VPS35L: variants seen among roughly 807,000 people sequenced by gnomAD.
VPS35L encodes VPS35 endosomal protein-sorting factor-like.
Under a neutral mutation model 133.0 loss-of-function variants are expected in VPS35L, and 83 were observed. That is an observed-to-expected ratio of 0.62 (90% CI 0.52 to 0.75). VPS35L has a LOEUF of 0.75. Ranked by LOEUF, VPS35L falls within the 30% of genes least tolerant of loss-of-function variation. The probability of loss-of-function intolerance (pLI) is 0.00; values close to 1 mark genes in which losing one functional copy is unlikely to be tolerated. For missense variants in VPS35L, 1,083 were observed against 1,206.8 expected (o/e 0.90, Z 1.52); for synonymous variants, 423 against 449.9 (o/e 0.94, Z 0.76).
chr16:19,688,927 C>G (rs1050614197), intron 28 of VPS35L, among the ~76,000 whole-genome samples: 2 of 152,194 alleles, frequency 1.3e-5, no homozygotes, highest in African/African-American at 4.8e-5. Flanking sequence ...TGAAGTGTTC[C>G]CAGTAGGGAC....
chr16:19,604,735 T>G (rs1034755950), intron 9 of VPS35L, among the ~76,000 whole-genome samples: 2 of 152,234 alleles, frequency 1.3e-5, no homozygotes, highest in African/African-American at 2.4e-5. Context: ...GTACTCATTC[T>G]TTCCATTTAA....
At chr16:19,620,273 G>A (rs1973034890) in intron 14 of VPS35L, among the ~76,000 whole-genome samples, 1 of 152,112 alleles carries the variant, frequency 6.6e-6, no homozygotes, top group Non-Finnish European at 1.5e-5. Context: ...ATATGGTTGT[G>A]GTTCTCCAAC....
At chr16:19,648,955 G>GTA (rs1597393862) in intron 24 of VPS35L, among the ~76,000 whole-genome samples, 2 of 150,450 alleles carry the variant, frequency 1.3e-5, no homozygotes, top group South Asian at 4.2e-4. Flanking sequence ...TTTGAAGAAA[G>GTA]TATATATATA....
chr16:19,617,158 C>A, intron 14 of VPS35L: 1 of 542,500 alleles, frequency 1.8e-6, no homozygotes, highest in South Asian at 2.6e-5. Flanking sequence ...GAGTTTGAGA[C>A]GAGCTTTGGC....
intron 9 of VPS35L, 62 bp from the exon 10 acceptor site, chr16:19,608,116 C>T: frequency 1.6e-6 from 2 of 1,248,666 alleles, no homozygotes; most frequent in Non-Finnish European, 2.4e-6. Flanking sequence ...TATTCCCATC[C>T]AGGGACTCAC....
intron 20 of VPS35L, among the ~76,000 whole-genome samples, chr16:19,637,863 AAT>A (rs1973669659): frequency 6.6e-6 from 1 of 152,184 alleles, no homozygotes; most frequent in African/African-American, 2.4e-5. Context: ...CTGAAAGAAA[AAT>A]ATTATTTCTG....
intron 1 of VPS35L, among the ~76,000 whole-genome samples, chr16:19,556,810 G>GT (rs367612131): frequency 0.38 from 54,702 of 142,734 alleles, 12,196 homozygotes; most frequent in Non-Finnish European, 0.52. Context: ...ACACCCTGAG[G>GT]TTTTTTTTTT....
chr16:19,688,803 CAT>C (rs1975559529), intron 28 of VPS35L, among the ~76,000 whole-genome samples: 1 of 152,160 alleles, frequency 6.6e-6, no homozygotes, highest in Admixed American at 6.5e-5. Flanking sequence ...TATGTGAGCT[CAT>C]GTGGGTGTGG....
At chr16:19,663,175 G>C (rs1228160380) in intron 26 of VPS35L, among the ~76,000 whole-genome samples, 1 of 152,078 alleles carries the variant, frequency 6.6e-6, no homozygotes, top group Non-Finnish European at 1.5e-5. Flanking sequence ...GCTGGGCATG[G>C]TGGCTCATGC....
intron 7 of VPS35L, 62 bp downstream of exon 7, chr16:19,581,715 CTT>C (rs773847040): frequency 4.3e-5 from 67 of 1,557,620 alleles, no homozygotes; most frequent in Non-Finnish European, 5.7e-5. Context: ...CACTGTGAGA[CTT>C]AGAGTTTTCA....
chr16:19,622,327 G>C (rs1455662642), intron 14 of VPS35L, among the ~76,000 whole-genome samples: 1 of 151,656 alleles, frequency 6.6e-6, no homozygotes, highest in Non-Finnish European at 1.5e-5. Context: ...ATTTTTAGTA[G>C]AGACAGGGTC....
chr16:19,691,328 C>G, intron 28 of VPS35L, 25 bp from the exon 29 acceptor site: 1 of 1,586,128 alleles, frequency 6.3e-7, no homozygotes, highest in Non-Finnish European at 8.7e-7. Flanking sequence ...TTGGGTCTGT[C>G]TCACTGTTCT....
At chr16:19,690,771 T>C in intron 28 of VPS35L, among the ~76,000 whole-genome samples, 1 of 151,886 alleles carries the variant, frequency 6.6e-6, no homozygotes, top group African/African-American at 2.4e-5. Flanking sequence ...GCCAGCATGG[T>C]GAAACCCCAT....
At chr16:19,582,438 T>C (rs538825454) in intron 7 of VPS35L, among the ~76,000 whole-genome samples, 5 of 152,236 alleles carry the variant, frequency 3.3e-5, no homozygotes, top group South Asian at 2.1e-4. Context: ...GACAGGAGAG[T>C]CCGGGAGTCT....
intron 7 of VPS35L, among the ~76,000 whole-genome samples, chr16:19,589,646 T>C (rs1375703540): frequency 6.6e-6 from 1 of 152,224 alleles, no homozygotes; most frequent in Non-Finnish European, 1.5e-5. Context: ...TTCAAAACAG[T>C]AATTTAAAAA....
chr16:19,673,602 C>G (rs1974949528), intron 27 of VPS35L, among the ~76,000 whole-genome samples: 1 of 152,088 alleles, frequency 6.6e-6, no homozygotes, highest in African/African-American at 2.4e-5. Context: ...CGTTATTATT[C>G]CTTGAACAGA....
At chr16:19,656,877 A>G (rs1455473556) in intron 26 of VPS35L, among the ~76,000 whole-genome samples, 2 of 151,732 alleles carry the variant, frequency 1.3e-5, no homozygotes, top group Middle Eastern at 3.2e-3. Context: ...AGACAAACTG[A>G]TGAATTATGC....
At position 19,647,835 on chromosome 16, in the gene VPS35L, A is replaced by G; in HGVS notation, c.1981A>G (p.Arg661Gly). 6.2e-7 allele frequency: 1 copy of G among 1,614,132 alleles called. No individual in the cohort carries two copies. Among genetic ancestry groups the G allele is most frequent in the Non-Finnish European group, 8.5e-7 (1 of 1,180,028 alleles). ...ACAGCTGAGTTTTTATGTTGAGTCC[A>G]GGTCGATGTTTTGCAATCTGGAGCC... ...EQQLSFYVES[R>G]SMFCNLEPVL... The change falls in exon 24 of 31, where the codon AGG becomes GGG. Residue 661 changes from arginine to glycine, a missense_variant. By Grantham distance (125) the Arg-to-Gly change is moderately radical. Coordinates refer to ENST00000417362, the MANE Select transcript of VPS35L (RefSeq NM_020314.7).
At chr16:19,691,821 G>C (rs1975700356) in intron 29 of VPS35L, among the ~76,000 whole-genome samples, 1 of 151,584 alleles carries the variant, frequency 6.6e-6, no homozygotes, top group African/African-American at 2.4e-5. Flanking sequence ...TGTTCTGTCT[G>C]TCCATCCCTC....
Sources: gnomAD v4.1 joint callset for allele counts (sites outside exome capture counted in the v4.1 genomes callset) on GRCh38, gnomAD v4.1.1 for gene constraint, MANE v1.5 for transcripts, NCBI Gene and HGNC (gene_info 2026-07-23, HGNC 2026-07-21) for gene names.